Variants in ATP1B4 observed in about 807,000 individuals in gnomAD.
ATP1B4 encodes ATPase Na+/K+ transporting family member beta 4.
Under a neutral mutation model 29.6 loss-of-function variants are expected in ATP1B4, and 32 were observed. That is an observed-to-expected ratio of 1.08 (90% CI 0.82 to 1.45). The LOEUF (loss-of-function observed/expected upper bound fraction) is 1.45. Ranked by LOEUF, ATP1B4 falls within the 40% of genes most tolerant of loss-of-function variation. The probability of loss-of-function intolerance (pLI) is 0.00; values close to 1 mark genes in which losing one functional copy is unlikely to be tolerated. For synonymous variants in ATP1B4, 127 were observed against 102.1 expected (o/e 1.24, Z -1.47); for missense variants, 323 against 276.2 (o/e 1.17, Z -1.20).
intron 5 of ATP1B4, 92 bp from the exon 6 acceptor site, chrX:120,376,288 G>T: frequency 1.2e-6 from 1 of 827,751 alleles, no homozygotes; most frequent in Non-Finnish European, 1.8e-6. Context: ...GCCTGAGGAA[G>T]CATGACTGGG....
chrX:120,369,179 G>A (rs2058300696), intron 2 of ATP1B4, among the ~76,000 whole-genome samples: 2 of 112,173 alleles, frequency 1.8e-5, no homozygotes, highest in African/African-American at 6.5e-5. Context: ...TCCATTCCTA[G>A]GACAGGGATG....
intron 2 of ATP1B4, among the ~76,000 whole-genome samples, chrX:120,367,200 AGAGT>A (rs1484847052): frequency 1.8e-5 from 2 of 112,225 alleles, no homozygotes; most frequent in Non-Finnish European, 3.8e-5. Context: ...TTACAGGATC[AGAGT>A]GAGGCCCCAA....
intron 5 of ATP1B4, 149 bp downstream of exon 5, chrX:120,375,717 C>T (rs185640041): frequency 1.7e-4 from 78 of 447,258 alleles, no homozygotes; most frequent in East Asian, 7.7e-4. Flanking sequence ...ACCAGATAAA[C>T]CTATCAATTT....
rs1481035049 is a variant in ATP1B4 at position 120,370,702 on chromosome X, G to A, written c.329-13G>A. On this transcript the variant is annotated splice_polypyrimidine_tract_variant and intron_variant, in intron 2 of 7. Coordinates refer to ENST00000218008, the MANE Select transcript of ATP1B4 (RefSeq NM_001142447.3). ...GCAAGCACTGACCACTCTCATCTGT[G>A]ATTGCTCTGCAGGCCTGATCTTACT... 1.7e-6 allele frequency: 2 copies of A among 1,207,682 alleles called. No individual in the cohort carries two copies. The highest frequency in any genetic ancestry group is 3.5e-5 in the African/African-American group (2 of 57,238).
intron 4 of ATP1B4, among the ~76,000 whole-genome samples, chrX:120,374,339 G>A (rs898566630): frequency 9.5e-6 from 1 of 105,521 alleles, no homozygotes; most frequent in Non-Finnish European, 1.9e-5. Context: ...ACCACGAGCA[G>A]GTAGCCATAA....
chrX:120,366,469 A>T, intron 1 of ATP1B4, 56 bp from the exon 2 acceptor site: 1 of 1,151,330 alleles, frequency 8.7e-7, no homozygotes, highest in Non-Finnish European at 1.2e-6. Context: ...GGCTGGTGGG[A>T]TGCACCATTG....
rs780828992 is a variant in ATP1B4, at chrX:120,378,759, G to A, written c.898G>A (p.Gly300Ser). Residue 300 changes from glycine (G) to serine (S), a missense_variant, in exon 7 of 8, where the codon GGC becomes AGC. By Grantham distance (56) the Gly-to-Ser change is moderately conservative. Transcript: ENST00000218008. The part of the protein sequence containing the change: ...SFDLRYYPYY[G>S]KLTHVNYTSP... ...TGACCTCCGCTACTACCCTTACTAC[G>A]GCAAACTGACTCACGTAAGCTGTAT... is the stretch of plus-strand genomic sequence containing the variant. 7.5e-6 allele frequency: 9 copies of A among 1,206,744 alleles called. No individual in the cohort carries two copies. The highest frequency in any genetic ancestry group is 1.8e-5 in the African/African-American group (1 of 56,910).
At position 120,375,547 on chromosome X, in the gene ATP1B4, C is replaced by A. The variant is rs1374848209; in HGVS notation, c.738C>A (p.Cys246Ter). The A allele has an allele frequency of 8.3e-7, 1 of 1,207,570 alleles. No individual in the cohort carries two copies. The highest frequency in any genetic ancestry group is 2.2e-5 in the Admixed American group (1 of 45,386). ...PTFGYSTGQP[C>*]ILLKMNRIVG... ...TTGGATACTCTACTGGACAGCCCTG[C>A]ATCCTTCTAAAGATGAACCGGGTAT... is the stretch of plus-strand genomic sequence containing the variant. Residue 246 changes from cysteine to a stop codon, truncating the protein, a stop_gained, in exon 5 of 8, where the codon TGC becomes TGA. Coordinates refer to ENST00000218008, the MANE Select transcript of ATP1B4 (RefSeq NM_001142447.3). LOFTEE classifies it high-confidence loss of function.
intron 4 of ATP1B4, among the ~76,000 whole-genome samples, 159 bp downstream of exon 4, chrX:120,371,369 A>G (rs1007612971): frequency 2.7e-5 from 3 of 111,838 alleles, no homozygotes; most frequent in Non-Finnish European, 5.6e-5. Flanking sequence ...TGTAGCTACA[A>G]TCAGAATTGC....
rs181293760 is a variant in ATP1B4, at chrX:120,375,884, C to T, written c.759+316C>T. On this transcript the variant is annotated intron_variant, in intron 5 of 7. Coordinates refer to ENST00000218008, the MANE Select transcript of ATP1B4 (RefSeq NM_001142447.3). The stretch of plus-strand genomic sequence containing the variant: ...TCGGGAGGCTGAGGAAGGAGGGTTG[C>T]TTGAGCTTAGGAGTTCAAGTTTAAC... Among the ~76,000 whole-genome samples the T allele has an allele frequency of 6.6e-3, 731 of 110,640 alleles. 7 individuals carry two copies. The highest frequency in any genetic ancestry group is 0.017 in the South Asian group (44 of 2,533).
rs761157225 is a variant in ATP1B4 at position 120,379,657 on chromosome X, C to A, written c.*23C>A. On this transcript the variant is annotated 3_prime_UTR_variant, in exon 8 of 8. Transcript: ENST00000218008. The stretch of plus-strand genomic sequence containing the variant: ...TAAGAACTTCAGGGGGCCATTCTTA[C>A]CAGTTCTGTTTCTGTTTTATCTCAT... 1.7e-6 allele frequency: 2 copies of A among 1,184,787 alleles called. No homozygotes were observed. Among genetic ancestry groups the A allele is most frequent in the Non-Finnish European group, 2.3e-6 (2 of 882,342 alleles).
rs2058286988 is a variant in ATP1B4 at position 120,366,589 on chromosome X, C to T, written c.128C>T (p.Ala43Val). Residue 43 changes from alanine (A) to valine (V), a missense_variant, in exon 2 of 8, where the codon GCT becomes GTT. Transcript: ENST00000218008. ...GAAGAGGAGGAAGCAGAAGAAGAGG[C>T]TCGGGTGACGGTGGTGCCCAAATCG... ...ADEEEEAEEE[A>V]RVTVVPKSEE... The T allele has an allele frequency of 8.3e-7, 1 of 1,201,528 alleles. No individual in the cohort carries two copies. The highest frequency in any genetic ancestry group is 1.8e-5 in the African/African-American group (1 of 57,014).
At chrX:120,375,140 A>G (rs1369805431) in intron 4 of ATP1B4, among the ~76,000 whole-genome samples, 1 of 109,974 alleles carries the variant, frequency 9.1e-6, no homozygotes, top group Non-Finnish European at 1.9e-5. Flanking sequence ...AAAGCAAAGG[A>G]ACAGGCAATC....
intron 4 of ATP1B4, among the ~76,000 whole-genome samples, chrX:120,374,774 A>ATATAAT (rs1491167165): frequency 8.4e-4 from 1 of 1,192 alleles, no homozygotes; most frequent in Non-Finnish European, 1.6e-3. Context: ...ATATATATAT[A>ATATAAT]ATATATATAT....
At position 120,365,135 on chromosome X, in the gene ATP1B4, C is replaced by T. The variant is rs768342834; in HGVS notation, c.64-1390C>T. Among the ~76,000 whole-genome samples the T allele has an allele frequency of 7.2e-5, 8 of 111,686 alleles. No homozygotes were observed. In the East Asian group the frequency reaches 1.7e-3, roughly 23 times the overall value. ...CCAGGGTATCAAGAGACATAGGTTC[C>T]GAGACCGTCAACTCTATCATGAATT... On this transcript the variant is annotated intron_variant, in intron 1 of 7. Coordinates refer to ENST00000218008, the MANE Select transcript of ATP1B4 (RefSeq NM_001142447.3).
Position 120,370,782 on chromosome X carries a change from C to T in ATP1B4, c.396C>T (p.Tyr132=). 8.3e-7 allele frequency: 1 copy of T among 1,211,128 alleles called. No homozygotes were observed. The highest frequency in any genetic ancestry group is 1.8e-5 in the South Asian group (1 of 56,950). ...SLAAVITLCM[Y]TLFLTISPYI... ...CTGCTGTGATCACCCTCTGCATGTA[C>T]ACACTATTTCTGACCATCAGTCCCT... Residue 132 remains tyrosine, a synonymous_variant, in exon 3 of 8, where the codon TAC becomes TAT. Coordinates refer to ENST00000218008, the MANE Select transcript of ATP1B4 (RefSeq NM_001142447.3).
intron 5 of ATP1B4, among the ~76,000 whole-genome samples, chrX:120,376,018 G>C (rs1441907615): frequency 9.0e-6 from 1 of 111,290 alleles, no homozygotes. Context: ...GGTGGCATGG[G>C]GGACAGTTCT....
chrX:120,365,236 G>A (rs768186280), intron 1 of ATP1B4, among the ~76,000 whole-genome samples: 6 of 111,843 alleles, frequency 5.4e-5, no homozygotes, highest in Non-Finnish European at 9.4e-5. Flanking sequence ...GGTCTCTGTC[G>A]GTTCTGATGT....
chrX:120,366,403 T>C, intron 1 of ATP1B4, 122 bp from the exon 2 acceptor site: 1 of 818,134 alleles, frequency 1.2e-6, no homozygotes, highest in Non-Finnish European at 1.7e-6. Context: ...TGTATGTTTA[T>C]GGGAAAGTGG....
Sources: allele counts gnomAD v4.1 joint callset (sites outside exome capture counted in the v4.1 genomes callset), GRCh38; gene constraint gnomAD v4.1.1; transcripts MANE v1.5; gene names NCBI Gene and HGNC (gene_info 2026-07-23, HGNC 2026-07-21).